TARS3: variants seen among roughly 807,000 people sequenced by gnomAD.
The protein encoded by TARS3 is threonyl-tRNA synthetase 3.
In TARS3, 94 loss-of-function variants were observed where a neutral mutation model predicts 103.5. That is an observed-to-expected ratio of 0.91 (90% CI 0.77 to 1.08). The LOEUF is 1.08. Ranked by LOEUF, TARS3 falls within the 50% of genes least tolerant of loss-of-function variation. TARS3 has a pLI of 0.00. For synonymous variants in TARS3, 416 were observed against 355.4 expected, an observed-to-expected ratio of 1.17 and a Z score of -1.92; for missense variants, 952 against 995.2, an observed-to-expected ratio of 0.96 and a Z score of 0.58.
At chr15:101,673,959 C>T (rs1596294397) in intron 13 of TARS3, among the ~76,000 whole-genome samples, 1 of 152,352 alleles carries the variant, frequency 6.6e-6, no homozygotes, top group East Asian at 1.9e-4. Context: ...TCCCCCTTCT[C>T]TGTGGTTTCA....
chr15:101,723,020 T>A, intron 2 of TARS3, 73 bp downstream of exon 2: 1 of 1,327,168 alleles, frequency 7.5e-7, no homozygotes, highest in Non-Finnish European at 1.1e-6. Context: ...TTGGAAATCC[T>A]AGGTAATTAA....
chr15:101,689,505 G>T (rs900836009), intron 10 of TARS3, among the ~76,000 whole-genome samples: 1 of 151,904 alleles, frequency 6.6e-6, no homozygotes, highest in African/African-American at 2.4e-5. Context: ...TATATGGCTG[G>T]TCTCTTTATA....
chr15:101,671,378 A>G, intron 15 of TARS3, 108 bp downstream of exon 15: 1 of 800,522 alleles, frequency 1.2e-6, no homozygotes, highest in Non-Finnish European at 2.0e-6. Context: ...TTGCGTGTAT[A>G]GCACATATAC....
intron 11 of TARS3, 135 bp downstream of exon 11, chr15:101,685,761 C>A: frequency 1.6e-6 from 1 of 639,798 alleles, no homozygotes; most frequent in Non-Finnish European, 2.4e-6. Context: ...CGGAATGAAA[C>A]AACTTAGTAA....
chr15:101,670,263 C>T (rs1897743684), intron 15 of TARS3, among the ~76,000 whole-genome samples: 1 of 152,076 alleles, frequency 6.6e-6, no homozygotes, highest in Admixed American at 6.6e-5. Context: ...ATGTGCAAAT[C>T]ATATATTCCT....
chr15:101,661,161 C>CACTCAAAAAGGACCACAAGATGCACA (rs1422058484), intron 16 of TARS3, among the ~76,000 whole-genome samples: 1 of 152,120 alleles, frequency 6.6e-6, no homozygotes, highest in Non-Finnish European at 1.5e-5. Context: ...CAAGATGCAC[C>CACTCAAAAAGGACCACAAGATGCACA]ACTCAAAATT....
chr15:101,700,127 G>A (rs1446997717), intron 10 of TARS3, among the ~76,000 whole-genome samples: 2 of 152,136 alleles, frequency 1.3e-5, no homozygotes, highest in African/African-American at 4.8e-5. Flanking sequence ...ATGAATTAGT[G>A]GTAGGCACAT....
intron 10 of TARS3, among the ~76,000 whole-genome samples, chr15:101,694,149 A>G (rs1422758551): frequency 6.6e-6 from 1 of 152,258 alleles, no homozygotes; most frequent in Non-Finnish European, 1.5e-5. Flanking sequence ...TTGTCCACAC[A>G]GTCAGTAACT....
At chr15:101,709,135 G>C (rs1374830768) in intron 5 of TARS3, among the ~76,000 whole-genome samples, 1 of 152,232 alleles carries the variant, frequency 6.6e-6, no homozygotes, top group African/African-American at 2.4e-5. Flanking sequence ...GCTGCAAGGG[G>C]AGAAGGAAGC....
intron 18 of TARS3, chr15:101,656,140 G>T: frequency 9.9e-7 from 1 of 1,013,012 alleles, no homozygotes; most frequent in Non-Finnish European, 1.4e-6. Flanking sequence ...TGCTCTTCTA[G>T]TGGTTTGGCT....
At chr15:101,673,464 G>A (rs147706656) in intron 13 of TARS3, among the ~76,000 whole-genome samples, 2 of 152,274 alleles carry the variant, frequency 1.3e-5, no homozygotes, top group East Asian at 3.9e-4. Context: ...CATACCCTCA[G>A]GAAGTGGGTG....
At chr15:101,673,951 C>A (rs1193470021) in intron 13 of TARS3, among the ~76,000 whole-genome samples, 1 of 152,064 alleles carries the variant, frequency 6.6e-6, no homozygotes, top group East Asian at 1.9e-4. Context: ...TACAGTAGTC[C>A]CCCTTCTCTG....
At position 101,721,274 on chromosome 15, in the gene TARS3, T is replaced by C. The variant is rs765661522; in HGVS notation, c.418A>G (p.Ile140Val). 1 of 1,613,694 alleles carries C rather than the reference T, an allele frequency of 6.2e-7. No homozygotes were observed. Among genetic ancestry groups the C allele is most frequent in the Admixed American group, 1.7e-5 (1 of 59,998 alleles). Residue 140 changes from isoleucine to valine, a missense_variant, in exon 3 of 19, where the codon ATA becomes GTA. Physicochemically the swap from Ile to Val is conservative, Grantham distance 29. Around this residue, in one of 2 missense-constraint regions of TARS3, gnomAD observed 412 missense variants for 364.2 expected, o/e 1.13. Transcript: ENST00000335968. ...AAGAGCTGATGGTCTTTCTTCAGTA[T>C]TTCAAAAAGCTTCAATCTTTCTTTT... is the stretch of plus-strand genomic sequence containing the variant. ...FIKERLKLFE[I>V]LKKDHQLLLA... is the part of the protein sequence containing the mutation.
chr15:101,711,222 T>C (rs1047580570), intron 5 of TARS3, among the ~76,000 whole-genome samples: 22 of 152,350 alleles, frequency 1.4e-4, no homozygotes, highest in African/African-American at 5.3e-4. Flanking sequence ...GCATATCATA[T>C]TCTTCTGGGG....
At chr15:101,698,381 A>T (rs7164873) in intron 10 of TARS3, among the ~76,000 whole-genome samples, 6,454 of 149,374 alleles carry the variant, frequency 0.043, 161 homozygotes, top group African/African-American at 0.05. Context: ...TTTTTTTTTT[A>T]AAAAAGAAAG....
At chr15:101,680,120 G>A (rs1230578475) in intron 12 of TARS3, among the ~76,000 whole-genome samples, 1 of 152,182 alleles carries the variant, frequency 6.6e-6, no homozygotes, top group African/African-American at 2.4e-5. Context: ...TCTTGTTAAT[G>A]CAGGAGTAAA....
Position 101,687,435 on chromosome 15 carries a change from G to T in TARS3, c.1321-1373C>A, listed in dbSNP as rs567698507. Among the ~76,000 whole-genome samples, 7 of 152,066 alleles carry T rather than the reference G, an allele frequency of 4.6e-5. No individual in the cohort carries two copies. The East Asian group carries it at 1.4e-3, about 29-fold the overall frequency. ...GAAAGAAAATGTTTAACAAAATGAT[G>T]TCATTAAGAATGGCAGTGATTATTG... On this transcript the variant is annotated intron_variant, in intron 10 of 18. Coordinates refer to ENST00000335968, the MANE Select transcript of TARS3 (RefSeq NM_152334.3).
At chr15:101,715,141 C>A (rs1465190726) in intron 3 of TARS3, among the ~76,000 whole-genome samples, 178 bp from the exon 4 acceptor site, 4 of 148,948 alleles carry the variant, frequency 2.7e-5, no homozygotes, top group Admixed American at 6.7e-5. Flanking sequence ...AAGTAATATA[C>A]ATTCACTGTT....
rs546068344 is a variant in TARS3, at chr15:101,702,755, G to A, written c.1075-370C>T. On this transcript the variant is annotated intron_variant, in intron 8 of 18. Coordinates refer to ENST00000335968, the MANE Select transcript of TARS3 (RefSeq NM_152334.3). ...ACTGCACTCCAACCTGGGTGACAATGCAAGACCTTGTCTCAAAATCAAACA... is the reference window on the plus strand; with the variant it reads ...ACTGCACTCCAACCTGGGTGACAATACAAGACCTTGTCTCAAAATCAAACA... Among the ~76,000 whole-genome samples, 50 of 152,348 alleles carry A rather than the reference G, an allele frequency of 3.3e-4. No individual in the cohort carries two copies. The South Asian group carries it at 5.2e-3, about 16-fold the overall frequency.
Sources: allele counts gnomAD v4.1 joint callset (sites outside exome capture counted in the v4.1 genomes callset), GRCh38; gene constraint gnomAD v4.1.1; regional missense constraint gnomAD v4.1.1; transcripts MANE v1.5; gene names NCBI Gene and HGNC (gene_info 2026-07-23, HGNC 2026-07-21).